CHODL: variants seen among roughly 807,000 people sequenced by gnomAD.
CHODL encodes chondrolectin, also known as transmembrane protein MT75.
In CHODL, 29 loss-of-function variants were observed where a neutral mutation model predicts 34.5. That is an observed-to-expected ratio of 0.84 (90% CI 0.63 to 1.15). CHODL has a LOEUF of 1.15. CHODL is among the 50% of genes most tolerant of loss of function. The pLI, the probability that CHODL is intolerant of heterozygous loss-of-function variation, is 0.00. For missense variants in CHODL, 332 were observed against 332.5 expected (o/e 1.00, Z 0.01); for synonymous variants, 125 against 116.1 (o/e 1.08, Z -0.49).
chr21:18,045,663 A>G (rs2064433360), intron 2 of CHODL, among the ~76,000 whole-genome samples: 1 of 151,910 alleles, frequency 6.6e-6, no homozygotes, highest in East Asian at 1.9e-4. Context: ...ATTTGTGTAC[A>G]CTCCAAAGTT....
chr21:17,921,437 C>T (rs2063182610), intron 1 of CHODL, among the ~76,000 whole-genome samples: 3 of 152,220 alleles, frequency 2.0e-5, no homozygotes, highest in Admixed American at 1.3e-4. Flanking sequence ...CCCTTATAGG[C>T]AGGGGGTCTA....
At chr21:18,264,084 A>G (rs1318887221) in intron 5 of CHODL, among the ~76,000 whole-genome samples, 1 of 152,154 alleles carries the variant, frequency 6.6e-6, no homozygotes, top group Non-Finnish European at 1.5e-5. Context: ...AGCTAAATCT[A>G]AGTGAATTAA....
At chr21:18,260,901 C>G (rs934082495) in intron 4 of CHODL, among the ~76,000 whole-genome samples, 1 of 152,102 alleles carries the variant, frequency 6.6e-6, no homozygotes, top group Admixed American at 6.6e-5. Flanking sequence ...AGAAATTTCT[C>G]TAACAACATG....
At chr21:18,077,605 A>C (rs1193017844) in intron 2 of CHODL, among the ~76,000 whole-genome samples, 4 of 152,162 alleles carry the variant, frequency 2.6e-5, no homozygotes, top group Non-Finnish European at 4.4e-5. Context: ...TGAAGCTTTC[A>C]CGGATGAGAT....
intron 2 of CHODL, among the ~76,000 whole-genome samples, chr21:18,082,530 GA>G (rs1239253726): frequency 6.6e-6 from 1 of 152,208 alleles, no homozygotes; most frequent in Non-Finnish European, 1.5e-5. Flanking sequence ...GGAAAGTTTG[GA>G]AGTTCCTAAA....
At chr21:18,087,306 G>T (rs756627887) in intron 2 of CHODL, among the ~76,000 whole-genome samples, 7 of 152,164 alleles carry the variant, frequency 4.6e-5, no homozygotes, top group Admixed American at 1.3e-4. Context: ...ACTCATAGGA[G>T]AGTCCACTTT....
chr21:17,936,836 G>C (rs1368003801), intron 1 of CHODL, among the ~76,000 whole-genome samples: 1 of 152,196 alleles, frequency 6.6e-6, no homozygotes, highest in Non-Finnish European at 1.5e-5. Context: ...GGCAACGTGG[G>C]AGGCTGAGGC....
At chr21:18,209,663 C>G (rs7281191) in intron 2 of CHODL, among the ~76,000 whole-genome samples, 1 of 152,130 alleles carries the variant, frequency 6.6e-6, no homozygotes, top group Non-Finnish European at 1.5e-5. Context: ...AGCTCTGAGT[C>G]TCACTCAAGG....
intron 2 of CHODL, among the ~76,000 whole-genome samples, chr21:18,200,222 G>A (rs1376415617): frequency 1.3e-5 from 2 of 151,952 alleles, no homozygotes; most frequent in South Asian, 2.1e-4. Context: ...TATCATGAAG[G>A]CAGTGAAATC....
Position 17,992,953 on chromosome 21 carries a change from G to A in CHODL, c.-144-34919G>A, listed in dbSNP as rs566315589. On this transcript the variant is annotated intron_variant, in intron 1 of 6. Transcript: ENST00000400127. ...CAGGTGTGAGCCACGGCGCCCGGCC[G>A]AGGGTTTTTATTTGTATATAAAATC... Among the ~76,000 whole-genome samples, 11 of 151,994 alleles carry A rather than the reference G, an allele frequency of 7.2e-5. No individual in the cohort carries two copies. The South Asian group carries it at 2.3e-3, about 32-fold the overall frequency.
At chr21:18,185,727 T>G (rs2073432763) in intron 2 of CHODL, among the ~76,000 whole-genome samples, 4 of 152,184 alleles carry the variant, frequency 2.6e-5, no homozygotes. Flanking sequence ...AGCAATTTAT[T>G]TCTCACAGTT....
chr21:18,071,573 C>T (rs536092326), intron 2 of CHODL, among the ~76,000 whole-genome samples: 20 of 152,150 alleles, frequency 1.3e-4, no homozygotes, highest in African/African-American at 3.1e-4. Context: ...CAGCTCCCCA[C>T]GTGATTTTTC....
intron 2 of CHODL, among the ~76,000 whole-genome samples, chr21:18,221,748 G>T (rs940034619): frequency 1.3e-5 from 2 of 152,162 alleles, no homozygotes; most frequent in African/African-American, 4.8e-5. Flanking sequence ...TGGTCCTCAG[G>T]ACCCTAGATG....
intron 3 of CHODL, among the ~76,000 whole-genome samples, chr21:18,258,220 C>T (rs2074339831): frequency 6.6e-6 from 1 of 151,704 alleles, no homozygotes; most frequent in Admixed American, 6.6e-5. Context: ...ATTCTTTAAC[C>T]ATCTTGGTTG....
intron 1 of CHODL, among the ~76,000 whole-genome samples, chr21:17,991,269 G>A (rs2063794666): frequency 6.6e-6 from 1 of 151,908 alleles, no homozygotes; most frequent in African/African-American, 2.4e-5. Context: ...TAAATGCTGG[G>A]GTGCAGGTAT....
At chr21:18,159,867 G>A (rs758823523) in intron 2 of CHODL, among the ~76,000 whole-genome samples, 1 of 152,098 alleles carries the variant, frequency 6.6e-6, no homozygotes, top group Non-Finnish European at 1.5e-5. Flanking sequence ...AGAGGACCAT[G>A]AGCCAAGGAC....
At chr21:18,224,118 G>C (rs540478548) in intron 2 of CHODL, among the ~76,000 whole-genome samples, 1 of 152,238 alleles carries the variant, frequency 6.6e-6, no homozygotes, top group African/African-American at 2.4e-5. Flanking sequence ...TTGTACTCCA[G>C]TTCCCTGAAC....
chr21:18,245,350 A>T (rs1178032388), intron 1 of CHODL, 48 bp downstream of exon 1: 1 of 1,430,530 alleles, frequency 7.0e-7, no homozygotes, highest in Non-Finnish European at 9.2e-7. Flanking sequence ...AGAGGGGACC[A>T]CGGGGCGCGG....
At chr21:18,114,069 T>G (rs2065383515) in intron 2 of CHODL, among the ~76,000 whole-genome samples, 1 of 152,216 alleles carries the variant, frequency 6.6e-6, no homozygotes, top group East Asian at 1.9e-4. Context: ...TGTTCTCATT[T>G]ATTTGTGGGA....
Sources: gnomAD v4.1 joint callset for allele counts (sites outside exome capture counted in the v4.1 genomes callset) on GRCh38, gnomAD v4.1.1 for gene constraint, MANE v1.5 for transcripts, NCBI Gene and HGNC (gene_info 2026-07-23, HGNC 2026-07-21) for gene names.